Variants in SLC29A4 observed in about 807,000 individuals in gnomAD.
The protein encoded by SLC29A4 is solute carrier family 29 member 4.
In SLC29A4, 36 loss-of-function variants were observed where a neutral mutation model predicts 43.9. That is an observed-to-expected ratio of 0.82 (90% CI 0.63 to 1.08). The LOEUF (loss-of-function observed/expected upper bound fraction) is 1.08, where lower values mean the gene tolerates loss of function less well. SLC29A4 is among the 50% of genes least tolerant of loss of function. SLC29A4 has a pLI of 0.00. For synonymous variants in SLC29A4, 491 were observed against 338.0 expected (o/e 1.45, Z -4.97); for missense variants, 869 against 755.3 (o/e 1.15, Z -1.77).
Position 5,287,802 on chromosome 7 carries a change from A to G in SLC29A4, c.-8-7A>G, listed in dbSNP as rs952602380. On this transcript the variant is annotated splice_polypyrimidine_tract_variant and splice_region_variant and intron_variant, in intron 1 of 10. Transcript: ENST00000396872. Reference sequence around the variant, plus strand: ...CTCACCTGCTCTCTCTGCTTTCTCCAAAGCAGAGGCTGCCATGGGCTCCGT... The same window carrying G: ...CTCACCTGCTCTCTCTGCTTTCTCCGAAGCAGAGGCTGCCATGGGCTCCGT... 1.9e-6 allele frequency: 3 copies of G among 1,609,308 alleles called. No homozygotes were observed. In the East Asian group the frequency reaches 6.7e-5, roughly 36 times the overall value.
chr7:5,294,982 G>C (rs750356832), intron 6 of SLC29A4, 48 bp downstream of exon 6: 20 of 1,519,114 alleles, frequency 1.3e-5, no homozygotes, highest in Non-Finnish European at 1.8e-5. Flanking sequence ...GCTGCCCTGG[G>C]CTCTGGAAGC....
chr7:5,306,591 CCCA>C lies in SLC29A4; in HGVS notation c.*3653_*3655del, dbSNP rs1786524420. On this transcript the variant is annotated 3_prime_UTR_variant, in exon 11 of 11. Transcript: ENST00000396872. ...TCAAGTGATCCGCCTGCCTTGGCCT[CCCA>C]AAGTGCTGGCATTACAGGCGTGAGC... The C allele has an allele frequency of 1.3e-5, 2 of 152,166 alleles. No individual in the cohort carries two copies. Among genetic ancestry groups the C allele is most frequent in the African/African-American group, 4.8e-5 (2 of 41,424 alleles). 9.4% of individuals were successfully genotyped at this position (152,166 alleles called of 1,614,324 possible).
chr7:5,297,111 G>A lies in SLC29A4; in HGVS notation c.795G>A (p.Pro265=), dbSNP rs1387825721. The A allele has an allele frequency of 1.2e-6, 2 of 1,607,118 alleles. No individual in the cohort carries two copies. The highest frequency in any genetic ancestry group is 1.1e-5 in the South Asian group (1 of 91,028). Reference sequence around the variant, plus strand: ...TCGTGCTCTTCTATACCACACGGCCGCGTGACAGCCACCGGGGCAGGCCAG... The same window carrying A: ...TCGTGCTCTTCTATACCACACGGCCACGTGACAGCCACCGGGGCAGGCCAG... ...SRFVLFYTTR[P]RDSHRGRPGL... is the part of the protein sequence containing the mutation. Residue 265 remains proline, a synonymous_variant, in exon 7 of 11, where the codon CCG becomes CCA. Transcript: ENST00000396872.
chr7:5,296,445 G>A (rs953327006), intron 6 of SLC29A4, among the ~76,000 whole-genome samples: 6 of 147,806 alleles, frequency 4.1e-5, no homozygotes, highest in African/African-American at 1.5e-4. Flanking sequence ...TGTGGCTGGG[G>A]CGGAGCTGGG....
At chr7:5,284,932 A>G (rs7807255) in intron 1 of SLC29A4, among the ~76,000 whole-genome samples, 119,333 of 152,218 alleles carry the variant, frequency 0.78, 47,004 homozygotes, top group East Asian at 0.89. Context: ...ACGTCCAGGG[A>G]AGCATCTTGG....
chr7:5,291,732 T>C lies in SLC29A4; in HGVS notation c.455T>C (p.Ile152Thr). The change falls in exon 5 of 11, where the codon ATC becomes ACC. Residue 152 changes from isoleucine to threonine, a missense_variant. Physicochemically the swap from Ile to Thr is moderately conservative, Grantham distance 89 (BLOSUM62 -1). Transcript: ENST00000396872. ...TTGGGCCCTCTCCTTTTTATCAGCA[T>C]CTGCGACGTGTGGCTGCAGCTCTTC... ...LALGPLLFIS[I>T]CDVWLQLFSR... 1 of 1,611,964 alleles carries C rather than the reference T, an allele frequency of 6.2e-7. No homozygotes were observed. The highest frequency in any genetic ancestry group is 1.1e-5 in the South Asian group (1 of 90,984).
intron 6 of SLC29A4, 108 bp from the exon 7 acceptor site, chr7:5,296,828 G>T: frequency 7.7e-7 from 1 of 1,295,808 alleles, no homozygotes; most frequent in Non-Finnish European, 1.0e-6. Flanking sequence ...CTGTGGTGGA[G>T]GGCGGGGCCG....
chr7:5,305,500 T>C lies in SLC29A4; in HGVS notation c.*2561T>C, dbSNP rs1025128804. 3 of 151,472 alleles carry C rather than the reference T, an allele frequency of 2.0e-5. No individual in the cohort carries two copies. Among genetic ancestry groups the C allele is most frequent in the African/African-American group, 7.3e-5 (3 of 41,230 alleles). The allele number at this position is 151,472 out of a possible 1,614,324, so 9.4% of individuals were successfully genotyped here. A position where few individuals can be genotyped will look rare whatever the true frequency, so the allele number is the denominator to read the frequency against. ...GGCTTGGGGCCACTCTTAGCATTAG[T>C]ATCATTTTCTTCTAGTATCATTTTG... On this transcript the variant is annotated 3_prime_UTR_variant, in exon 11 of 11. Coordinates refer to ENST00000396872, the MANE Select transcript of SLC29A4 (RefSeq NM_153247.4).
intron 6 of SLC29A4, 28 bp from the exon 7 acceptor site, chr7:5,296,908 G>GCCCCGGCCCACTGTGCACGC: frequency 1.3e-6 from 2 of 1,555,858 alleles, no homozygotes; most frequent in Non-Finnish European, 1.7e-6. Flanking sequence ...GGCGGATCAG[G>GCCCCGGCCCACTGTGCACGC]CCCCGGCCCA....
At chr7:5,286,538 A>T (rs1016141609) in intron 1 of SLC29A4, among the ~76,000 whole-genome samples, 2 of 140,394 alleles carry the variant, frequency 1.4e-5, no homozygotes, top group African/African-American at 6.1e-5. Context: ...AAAAAAAGAA[A>T]AAAGAAAAAA....
Position 5,287,847 on chromosome 7 carries a change from G to C in SLC29A4, c.31G>C (p.Glu11Gln). The C allele has an allele frequency of 6.2e-7, 1 of 1,611,872 alleles. No individual in the cohort carries two copies. Among genetic ancestry groups the C allele is most frequent in the Non-Finnish European group, 8.5e-7 (1 of 1,179,814 alleles). ...CTCCGTGGGGAGCCAGCGCCTTGAG[G>C]AGCCCAGCGTGGCAGGCACACCAGA... is the stretch of plus-strand genomic sequence containing the variant. MGSVGSQRLE[E>Q]PSVAGTPDPG... Residue 11 changes from glutamate to glutamine, a missense_variant, in exon 2 of 11, where the codon GAG becomes CAG. Transcript: ENST00000396872.
rs1785328658 is a variant in SLC29A4, at chr7:5,291,807, C to A, written c.530C>A (p.Ala177Asp). ...AINLAAVGTV[A>D]FGCTVQQSSF... is the part of the protein sequence containing the mutation. Reference sequence around the variant, plus strand: ...AACCTGGCCGCTGTGGGCACCGTGGCCTTCGGCTGCACAGGTAGGAACCGG... The same window carrying A: ...AACCTGGCCGCTGTGGGCACCGTGGACTTCGGCTGCACAGGTAGGAACCGG... Residue 177 changes from alanine to aspartate, a missense_variant, in exon 5 of 11, where the codon GCC (alanine) becomes GAC (aspartate). Ala to Asp is a moderately radical substitution (Grantham distance 126). Coordinates refer to ENST00000396872, the MANE Select transcript of SLC29A4 (RefSeq NM_153247.4). 4.3e-6 allele frequency: 7 copies of A among 1,611,798 alleles called. No individual in the cohort carries two copies. The highest frequency in any genetic ancestry group is 5.9e-6 in the Non-Finnish European group (7 of 1,179,702).
In SLC29A4 at chr7:5,299,048, G is replaced by T; in HGVS notation, c.943G>T (p.Val315Leu). ...ESPKDSPAHE[V>L]TGSGGAYMRF... Reference sequence around the variant, plus strand: ...CCCAAAGGACAGCCCAGCCCACGAGGTGACCGGCAGCGGCGGGGCCTACAT... The same window carrying T: ...CCCAAAGGACAGCCCAGCCCACGAGTTGACCGGCAGCGGCGGGGCCTACAT... The change falls in exon 8 of 11, where the codon GTG becomes TTG. Residue 315 changes from valine to leucine, a missense_variant. By Grantham distance (32) the Val-to-Leu change is conservative. Coordinates refer to ENST00000396872, the MANE Select transcript of SLC29A4 (RefSeq NM_153247.4). 1 of 1,612,248 alleles carries T rather than the reference G, an allele frequency of 6.2e-7. No individual in the cohort carries two copies. Among genetic ancestry groups the T allele is most frequent in the Non-Finnish European group, 8.5e-7 (1 of 1,179,870 alleles).
intron 3 of SLC29A4, 22 bp downstream of exon 3, chr7:5,290,885 C>T: frequency 6.3e-7 from 1 of 1,592,180 alleles, no homozygotes; most frequent in Non-Finnish European, 8.6e-7. Flanking sequence ...CACGGTCACG[C>T]CCAGCCACTC....
At chr7:5,290,998 G>C (rs1785267460) in intron 3 of SLC29A4, 126 bp from the exon 4 acceptor site, 1 of 1,526,420 alleles carries the variant, frequency 6.6e-7, no homozygotes, top group Non-Finnish European at 8.9e-7. Context: ...GTGAGCTGCT[G>C]AGTGACCTCA....
Position 5,303,199 on chromosome 7 carries a change from C to A in SLC29A4, c.*260C>A. On this transcript the variant is annotated 3_prime_UTR_variant, in exon 11 of 11. Coordinates refer to ENST00000396872, the MANE Select transcript of SLC29A4 (RefSeq NM_153247.4). ...CGTTTGGTCTCATACCTGCGTCTAC[C>A]TTCCATCTGTGTCCAGCGGCCCCGG... 1.8e-6 allele frequency: 1 copy of A among 561,074 alleles called. No individual in the cohort carries two copies. The highest frequency in any genetic ancestry group is 3.2e-6 in the Non-Finnish European group (1 of 315,492). 34.8% of individuals were successfully genotyped at this position (561,074 alleles called of 1,614,324 possible).
At chr7:5,284,232 T>G (rs372091603) in intron 1 of SLC29A4, among the ~76,000 whole-genome samples, 7 of 152,244 alleles carry the variant, frequency 4.6e-5, no homozygotes, top group Non-Finnish European at 8.8e-5. Context: ...AAAATAGAAA[T>G]TAAAAAAATT....
chr7:5,287,282 G>A (rs1213354533), intron 1 of SLC29A4, among the ~76,000 whole-genome samples: 1 of 152,152 alleles, frequency 6.6e-6, no homozygotes, highest in African/African-American at 2.4e-5. Context: ...GCCAGGCATG[G>A]TGTTTCGAAC....
intron 2 of SLC29A4, among the ~76,000 whole-genome samples, chr7:5,290,105 G>C (rs1171021449): frequency 2.0e-5 from 3 of 148,798 alleles, no homozygotes. Flanking sequence ...CCAGGTTGGA[G>C]TGCAGTGGCG....
Sources: allele counts gnomAD v4.1 joint callset (sites outside exome capture counted in the v4.1 genomes callset), GRCh38; gene constraint gnomAD v4.1.1; transcripts MANE v1.5; gene names NCBI Gene and HGNC (gene_info 2026-07-23, HGNC 2026-07-21).